The following FHL2 variants were observed in gnomAD, a reference collection of about 807,000 sequenced individuals.
FHL2 encodes the protein four and a half LIM domains 2.
Under a neutral mutation model 32.7 loss-of-function variants are expected in FHL2, and 20 were observed. That is an observed-to-expected ratio of 0.61 (90% CI 0.43 to 0.89). The LOEUF is 0.89. Among genes scored for constraint, FHL2 ranks in the 40% least tolerant of loss-of-function variants. The probability of loss-of-function intolerance (pLI) is 0.00; values close to 1 mark genes in which losing one functional copy is unlikely to be tolerated. For synonymous variants in FHL2, 123 were observed against 128.1 expected (o/e 0.96, Z 0.27); for missense variants, 311 against 358.6 (o/e 0.87, Z 1.07).
intron 1 of FHL2, among the ~76,000 whole-genome samples, chr2:105,408,420 G>T (rs749542224): frequency 3.9e-5 from 6 of 152,202 alleles, no homozygotes; most frequent in Non-Finnish European, 8.8e-5. Flanking sequence ...AGCATCCACA[G>T]CCTGTCTTAG....
chr2:105,399,891 C>G (rs1318004098), upstream of FHL2, among the ~76,000 whole-genome samples: 1 of 152,148 alleles, frequency 6.6e-6, no homozygotes, highest in Non-Finnish European at 1.5e-5. Flanking sequence ...AAGGCGTCCT[C>G]GGCACTTTGG....
chr2:105,361,522 C>A, intron 6 of FHL2, 88 bp from the exon 7 acceptor site: 1 of 1,257,250 alleles, frequency 8.0e-7, no homozygotes, highest in Non-Finnish European at 1.1e-6. Flanking sequence ...TGATCCATTT[C>A]AAAGTTTGGA....
At chr2:105,412,697 C>T (rs1051115525) in intron 1 of FHL2, among the ~76,000 whole-genome samples, 2 of 152,250 alleles carry the variant, frequency 1.3e-5, no homozygotes, top group East Asian at 1.9e-4. Context: ...GGGCAGCATC[C>T]GCAGAGGTGG....
intron 1 of FHL2, among the ~76,000 whole-genome samples, chr2:105,398,531 A>T (rs1683300098): frequency 1.3e-5 from 2 of 152,290 alleles, no homozygotes; most frequent in South Asian, 4.1e-4. Context: ...ACCCGCGGCC[A>T]GCCTTTACCC....
intron 1 of FHL2, among the ~76,000 whole-genome samples, chr2:105,431,981 G>T (rs1335731954): frequency 2.6e-5 from 4 of 152,176 alleles, no homozygotes; most frequent in African/African-American, 4.8e-5. Flanking sequence ...TAGCTGAAGG[G>T]TTTATCAGTC....
rs1475248019 is a variant in FHL2, at chr2:105,429,820, G to A, written c.-25+8579C>T. 3.9e-5 allele frequency among the ~76,000 whole-genome samples: 6 copies of A among 152,190 alleles called. No homozygotes were observed. In the East Asian group the frequency reaches 1.2e-3, roughly 29 times the overall value. On this transcript the variant is annotated intron_variant, in intron 1 of 5. Transcript: ENST00000393352. The stretch of plus-strand genomic sequence containing the variant: ...AATTGTAATTGTCCCTGCACCAGGT[G>A]GCTGCTGTGAAGACGGGACAGTGCA...
chr2:105,399,138 G>C (rs747832963), upstream of FHL2: 8 of 1,370,060 alleles, frequency 5.8e-6, no homozygotes, highest in East Asian at 6.1e-5. Context: ...CGCTGGCACC[G>C]GGCGTGGGGC....
At chr2:105,417,880 C>T (rs1205633081) in intron 1 of FHL2, among the ~76,000 whole-genome samples, 1 of 151,966 alleles carries the variant, frequency 6.6e-6, no homozygotes, top group Admixed American at 6.6e-5. Context: ...TTGGAGCCAC[C>T]ACCTTGATTC....
chr2:105,408,105 C>T (rs1017908756), intron 1 of FHL2, among the ~76,000 whole-genome samples: 4 of 152,176 alleles, frequency 2.6e-5, no homozygotes, highest in Non-Finnish European at 5.9e-5. Flanking sequence ...AGCAGGCCTA[C>T]TTGCCATGAC....
intron 3 of FHL2, among the ~76,000 whole-genome samples, chr2:105,384,003 T>C (rs941711172): frequency 5.9e-5 from 9 of 152,240 alleles, no homozygotes; most frequent in Non-Finnish European, 1.0e-4. Flanking sequence ...TGGGAGACTC[T>C]TGTTTATTTG....
chr2:105,388,024 A>G (rs7591786), intron 2 of FHL2, among the ~76,000 whole-genome samples: 7,989 of 152,278 alleles, frequency 0.052, 641 homozygotes, highest in African/African-American at 0.18. Flanking sequence ...CAAATACTGC[A>G]TGTTCTCACT....
chr2:105,418,251 G>A (rs1431864070), intron 1 of FHL2, among the ~76,000 whole-genome samples: 1 of 152,088 alleles, frequency 6.6e-6, no homozygotes, highest in Non-Finnish European at 1.5e-5. Context: ...ATAGTGCTGG[G>A]CTTGTTAAGC....
intron 2 of FHL2, chr2:105,390,061 T>A (rs368873407): frequency 1.4e-5 from 2 of 147,750 alleles, no homozygotes; most frequent in South Asian, 2.2e-4. Flanking sequence ...ACCCCATCTC[T>A]ACTAAAAATA....
chr2:105,400,405 C>T (rs895899200), upstream of FHL2, among the ~76,000 whole-genome samples: 2 of 151,440 alleles, frequency 1.3e-5, no homozygotes, highest in Non-Finnish European at 2.9e-5. Context: ...TGAAACAGGA[C>T]GCTTTCCTGA....
At chr2:105,417,486 T>C (rs949201505) in intron 1 of FHL2, among the ~76,000 whole-genome samples, 2 of 151,842 alleles carry the variant, frequency 1.3e-5, no homozygotes, top group Admixed American at 6.6e-5. Context: ...GAGTTCGCGA[T>C]CAGCCTGGGC....
At chr2:105,436,347 T>C (rs1448163536) in intron 1 of FHL2, among the ~76,000 whole-genome samples, 1 of 152,178 alleles carries the variant, frequency 6.6e-6, no homozygotes. Context: ...GTTATATTGC[T>C]ATATTCTAAT....
upstream of FHL2, among the ~76,000 whole-genome samples, chr2:105,402,429 G>C (rs1683505113): frequency 1.3e-5 from 2 of 151,890 alleles, no homozygotes; most frequent in African/African-American, 4.8e-5. Context: ...TATAATTTTA[G>C]TAGACACGAG....
At position 105,432,588 on chromosome 2, in the gene FHL2, A is replaced by G. The variant is rs1367133568; in HGVS notation, c.-25+5811T>C. Among the ~76,000 whole-genome samples the G allele has an allele frequency of 2.6e-5, 4 of 151,854 alleles. No homozygotes were observed. In the East Asian group the frequency reaches 7.7e-4, roughly 29 times the overall value. On this transcript the variant is annotated intron_variant, in intron 1 of 5. Coordinates refer to the FHL2 transcript ENST00000393352. ...GAAAATTGGACGCTTTTCAAAAAGGAAGTTTACAGAGTTTAGAATTTTTTC... is the reference window on the plus strand; with the variant it reads ...GAAAATTGGACGCTTTTCAAAAAGGGAGTTTACAGAGTTTAGAATTTTTTC...
intron 2 of FHL2, 58 bp from the exon 3 acceptor site, chr2:105,386,598 G>T: frequency 6.8e-7 from 1 of 1,473,878 alleles, no homozygotes; most frequent in Non-Finnish European, 9.4e-7. Flanking sequence ...AGGGGTGCAC[G>T]CAAAGGCATT....
Sources: gnomAD v4.1 joint callset for allele counts (sites outside exome capture counted in the v4.1 genomes callset) on GRCh38, gnomAD v4.1.1 for gene constraint, MANE v1.5 for transcripts, NCBI Gene and HGNC (gene_info 2026-07-23, HGNC 2026-07-21) for gene names.